RAB23: variants seen among roughly 807,000 people sequenced by gnomAD.
RAB23 encodes the protein RAB23, member RAS oncogene family.
RAB23 carries 15 observed loss-of-function variants against 30.0 expected under a neutral mutation model. That is an observed-to-expected ratio of 0.50 (90% CI 0.33 to 0.77). The LOEUF is 0.77. Among genes scored for constraint, RAB23 ranks in the 30% least tolerant of loss-of-function variants. RAB23 has a pLI of 0.02. For missense variants in RAB23, 243 were observed against 275.4 expected (o/e 0.88, Z 0.83); for synonymous variants, 93 against 94.0 (o/e 0.99, Z 0.06).
rs952719550 is a variant in RAB23 at position 57,222,307 on chromosome 6, T to C, written c.-647A>G. 1.3e-5 allele frequency: 2 copies of C among 152,164 alleles called. No individual in the cohort carries two copies. The highest frequency in any genetic ancestry group is 6.5e-5 in the Admixed American group (1 of 15,280). The allele number at this position is 152,164 out of a possible 1,614,324, so 9.4% of individuals were successfully genotyped here. A position where few individuals can be genotyped will look rare whatever the true frequency, so the allele number is the denominator to read the frequency against. On this transcript the variant is annotated 5_prime_UTR_variant, in exon 1 of 7. The change abolishes an upstream ATG in the 5' untranslated region. Transcript: ENST00000468148. Reference sequence around the variant, plus strand: ...TGTGGACCCGCCGCGCTGCGGAGCATGCGCCGTGCTTCGTCTGCGCATGCT... The same window carrying C: ...TGTGGACCCGCCGCGCTGCGGAGCACGCGCCGTGCTTCGTCTGCGCATGCT...
At chr6:57,200,346 G>A (rs916040911) in intron 3 of RAB23, among the ~76,000 whole-genome samples, 4 of 151,556 alleles carry the variant, frequency 2.6e-5, no homozygotes, top group Admixed American at 1.3e-4. Context: ...AAACAAGCCT[G>A]GCCAACATAG....
intron 3 of RAB23, among the ~76,000 whole-genome samples, chr6:57,200,622 G>A (rs1195756190): frequency 6.6e-6 from 1 of 151,796 alleles, no homozygotes; most frequent in East Asian, 1.9e-4. Flanking sequence ...GCAGTAGGAT[G>A]GATGAGGGTG....
intron 4 of RAB23, among the ~76,000 whole-genome samples, chr6:57,195,544 T>C (rs1029228154): frequency 1.3e-5 from 2 of 152,224 alleles, no homozygotes; most frequent in Non-Finnish European, 2.9e-5. Context: ...TAATATGCAA[T>C]ACAAGGGACA....
intron 6 of RAB23, 93 bp downstream of exon 6, chr6:57,193,749 C>G: frequency 6.7e-7 from 1 of 1,496,642 alleles, no homozygotes; most frequent in Non-Finnish European, 9.0e-7. Context: ...TTAATAATCA[C>G]TTTTAAATCA....
intron 1 of RAB23, 42 bp from the exon 2 acceptor site, chr6:57,210,487 G>T: frequency 1.6e-6 from 2 of 1,219,888 alleles, no homozygotes. Context: ...ACACAAAAAT[G>T]TACAAAATAA....
chr6:57,187,755 G>A lies in RAB23; in HGVS notation c.*2706C>T, dbSNP rs1319563958. The A allele has an allele frequency of 6.6e-6, 1 of 152,072 alleles. No individual in the cohort carries two copies. The highest frequency in any genetic ancestry group is 1.5e-5 in the Non-Finnish European group (1 of 68,020). The allele number at this position is 152,072 out of a possible 1,614,324, so 9.4% of individuals were successfully genotyped here. Reference sequence around the variant, plus strand: ...CCAAGGAGTACATGTTATTTATTGAGAGTTCCTTCTGAGCACTGCACTGCC... The same window carrying A: ...CCAAGGAGTACATGTTATTTATTGAAAGTTCCTTCTGAGCACTGCACTGCC... On this transcript the variant is annotated 3_prime_UTR_variant, in exon 7 of 7. Transcript: ENST00000468148.
At chr6:57,205,667 CAAG>C (rs1437906536) in intron 3 of RAB23, among the ~76,000 whole-genome samples, 2 of 151,842 alleles carry the variant, frequency 1.3e-5, no homozygotes, top group Non-Finnish European at 2.9e-5. Flanking sequence ...TCAAGAGAGA[CAAG>C]AAAGCATTCC....
intron 3 of RAB23, among the ~76,000 whole-genome samples, chr6:57,204,917 C>T (rs1765396746): frequency 6.6e-6 from 1 of 151,592 alleles, no homozygotes; most frequent in Non-Finnish European, 1.5e-5. Flanking sequence ...AGAGCAAATA[C>T]CTTTAAGTGA....
chr6:57,192,495 A>G (rs772354079), intron 6 of RAB23, among the ~76,000 whole-genome samples: 16 of 152,238 alleles, frequency 1.1e-4, no homozygotes, highest in Non-Finnish European at 1.8e-4. Flanking sequence ...AGAAGTTTCA[A>G]AGGAAGGACA....
At position 57,188,569 on chromosome 6, in the gene RAB23, A is replaced by G. The variant is rs1221385146; in HGVS notation, c.*1892T>C. ...TTGCAAAGTATTATTTTGTGCAAAA[A>G]TTAAAGAGGAGAGTAGAGAGTAGAA... On this transcript the variant is annotated 3_prime_UTR_variant, in exon 7 of 7. Transcript: ENST00000468148. 1 of 152,142 alleles carries G rather than the reference A, an allele frequency of 6.6e-6. No homozygotes were observed. The highest frequency in any genetic ancestry group is 2.4e-5 in the African/African-American group (1 of 41,412). 9.4% of individuals were successfully genotyped at this position (152,142 alleles called of 1,614,324 possible). A position where few individuals can be genotyped will look rare whatever the true frequency, so the allele number is the denominator to read the frequency against.
Position 57,194,835 on chromosome 6 carries a change from A to T in RAB23, c.416T>A (p.Leu139Gln). Reference sequence around the variant, plus strand: ...GAATCTTAACTTTAACCTTTTTGCCAGTGCCTCAGCTTCCTCACTGCACAT... The same window carrying T: ...GAATCTTAACTTTAACCTTTTTGCCTGTGCCTCAGCTTCCTCACTGCACAT... The part of the protein sequence containing the change: ...SCIKNEEAEA[L>Q]AKRLKLRFYR... The change falls in exon 5 of 7, where the codon CTG becomes CAG. Residue 139 changes from leucine (L) to glutamine (Q), a missense_variant. Transcript: ENST00000468148. 1 of 1,613,350 alleles carries T rather than the reference A, an allele frequency of 6.2e-7. No individual in the cohort carries two copies. Among genetic ancestry groups the T allele is most frequent in the Non-Finnish European group, 8.5e-7 (1 of 1,179,524 alleles).
chr6:57,221,563 G>C (rs1241843004), intron 1 of RAB23, among the ~76,000 whole-genome samples, 163 bp downstream of exon 1: 5 of 152,226 alleles, frequency 3.3e-5, no homozygotes, highest in Admixed American at 2.0e-4. Context: ...AACCTAACCT[G>C]AGCACTTCAC....
chr6:57,215,726 G>C (rs1010800472), intron 1 of RAB23, among the ~76,000 whole-genome samples: 2 of 151,962 alleles, frequency 1.3e-5, no homozygotes, highest in Non-Finnish European at 2.9e-5. Flanking sequence ...CATGGTAAGA[G>C]CAAAAATATT....
At chr6:57,193,567 A>G (rs948860863) in intron 6 of RAB23, among the ~76,000 whole-genome samples, 1 of 152,208 alleles carries the variant, frequency 6.6e-6, no homozygotes, top group Non-Finnish European at 1.5e-5. Flanking sequence ...ATTCAGAAGA[A>G]TAACTGTTAT....
At chr6:57,192,961 G>A (rs1207771591) in intron 6 of RAB23, among the ~76,000 whole-genome samples, 2 of 152,182 alleles carry the variant, frequency 1.3e-5, no homozygotes. Context: ...AGATGTAATG[G>A]TGTGGCAGGA....
chr6:57,213,885 T>C (rs908406183), intron 1 of RAB23, among the ~76,000 whole-genome samples: 5 of 152,022 alleles, frequency 3.3e-5, no homozygotes, highest in Admixed American at 1.3e-4. Context: ...AGCAGAAAGA[T>C]AGAAAACACC....
At chr6:57,201,152 T>G (rs551279192) in intron 3 of RAB23, among the ~76,000 whole-genome samples, 1 of 151,672 alleles carries the variant, frequency 6.6e-6, no homozygotes, top group Admixed American at 6.6e-5. Context: ...GGCATGATCT[T>G]GGCTCACGGC....
At chr6:57,210,915 C>G (rs963634062) in intron 1 of RAB23, among the ~76,000 whole-genome samples, 4 of 152,178 alleles carry the variant, frequency 2.6e-5, no homozygotes, top group Admixed American at 2.6e-4. Flanking sequence ...ATCCAAAAAT[C>G]TGAAGTCTGA....
At chr6:57,219,248 A>C (rs949670517) in intron 1 of RAB23, among the ~76,000 whole-genome samples, 1 of 152,248 alleles carries the variant, frequency 6.6e-6, no homozygotes, top group Non-Finnish European at 1.5e-5. Context: ...AGCTCCAAAA[A>C]CATTAAATAC....
Sources: gnomAD v4.1 joint callset for allele counts (sites outside exome capture counted in the v4.1 genomes callset) on GRCh38, gnomAD v4.1.1 for gene constraint, MANE v1.5 for transcripts, NCBI Gene and HGNC (gene_info 2026-07-23, HGNC 2026-07-21) for gene names.